KMT5B: variants seen among roughly 807,000 people sequenced by gnomAD.
KMT5B encodes the protein lysine methyltransferase 5B, also known as histone-lysine N-methyltransferase KMT5B.
A neutral mutation model predicts 83.2 loss-of-function variants in KMT5B; 10 were observed. The observed-to-expected ratio is 0.12, with a 90% CI of 0.07 to 0.20. KMT5B has a LOEUF of 0.20. Ranked by LOEUF, KMT5B falls within the 10% of genes least tolerant of loss-of-function variation. The pLI, the probability that KMT5B is intolerant of heterozygous loss-of-function variation, is 1.00. For synonymous variants in KMT5B, 349 were observed against 388.8 expected (o/e 0.90, Z 1.20); for missense variants, 753 against 1,067.2 (o/e 0.71, Z 4.10).
intron 9 of KMT5B, among the ~76,000 whole-genome samples, chr11:68,167,923 G>C (rs184025384): frequency 6.6e-6 from 1 of 152,264 alleles, no homozygotes; most frequent in East Asian, 1.9e-4. Context: ...TGTAATCCCA[G>C]CACGTTGGGA....
In KMT5B at chr11:68,167,057, T is replaced by C. The variant is rs752364030; in HGVS notation, c.1099A>G (p.Ser367Gly). The change falls in exon 10 of 11, where the codon AGC becomes GGC. Residue 367 changes from serine to glycine, a missense_variant. Ser to Gly is a moderately conservative substitution (Grantham distance 56, BLOSUM62 0). Around this residue, in one of 9 missense-constraint regions of KMT5B, gnomAD observed 3 missense variants for 28.9 expected, o/e 0.10. Transcript: ENST00000304363. ...GATTGACTGTCTGAATTTTTGCTGC[T>C]GTCACCTAACTTTTTAAGCCTATTT... ...RLNRLKKLGD[S>G]SKNSDSQSVS... 4 of 1,614,210 alleles carry C rather than the reference T, an allele frequency of 2.5e-6. No individual in the cohort carries two copies. The highest frequency in any genetic ancestry group is 1.1e-5 in the South Asian group (1 of 91,084).
At chr11:68,186,478 A>G (rs995293097) in intron 2 of KMT5B, among the ~76,000 whole-genome samples, 1 of 152,252 alleles carries the variant, frequency 6.6e-6, no homozygotes, top group Non-Finnish European at 1.5e-5. Context: ...CTTGCCCACA[A>G]TTCCAGAGCT....
intron 6 of KMT5B, among the ~76,000 whole-genome samples, chr11:68,172,754 C>A (rs573010480): frequency 6.6e-5 from 10 of 152,084 alleles, no homozygotes; most frequent in Admixed American, 6.5e-4. Context: ...CCATCTGCAA[C>A]ACAGGGAGCC....
intron 1 of KMT5B, among the ~76,000 whole-genome samples, chr11:68,195,503 C>T (rs1478602750): frequency 6.6e-6 from 1 of 152,224 alleles, no homozygotes; most frequent in African/African-American, 2.4e-5. Flanking sequence ...ACACTCTTAT[C>T]TCCAGGGCCT....
chr11:68,208,956 C>G (rs1860519905), intron 1 of KMT5B, among the ~76,000 whole-genome samples: 1 of 152,136 alleles, frequency 6.6e-6, no homozygotes. Flanking sequence ...CCCTGAATGA[C>G]GTCTGGTTTT....
At position 68,184,163 on chromosome 11, in the gene KMT5B, G is replaced by C. The variant is rs937668680; in HGVS notation, c.308+1618C>G. On this transcript the variant is annotated intron_variant, in intron 3 of 10. Coordinates refer to ENST00000304363, the MANE Select transcript of KMT5B (RefSeq NM_017635.5). ...AGGCAGGTGGATCACCTGAGGTCAGGAGTTTCAAGACCAGCCTGGTCAACA... is the reference window on the plus strand; with the variant it reads ...AGGCAGGTGGATCACCTGAGGTCAGCAGTTTCAAGACCAGCCTGGTCAACA... Among the ~76,000 whole-genome samples the C allele has an allele frequency of 3.3e-5, 5 of 151,966 alleles. No individual in the cohort carries two copies. The East Asian group carries it at 9.7e-4, about 29-fold the overall frequency.
intron 1 of KMT5B, among the ~76,000 whole-genome samples, chr11:68,211,942 A>C (rs961365576): frequency 6.6e-6 from 1 of 152,196 alleles, no homozygotes; most frequent in Non-Finnish European, 1.5e-5. Flanking sequence ...ACAGGGCCAC[A>C]CCTCTGGTTC....
At chr11:68,159,953 C>T (rs1460641441) in intron 10 of KMT5B, among the ~76,000 whole-genome samples, 1 of 152,214 alleles carries the variant, frequency 6.6e-6, no homozygotes, top group African/African-American at 2.4e-5. Context: ...GGAGATCCAA[C>T]TTCTTTCCTC....
intron 1 of KMT5B, among the ~76,000 whole-genome samples, chr11:68,190,990 AT>A (rs1857978100): frequency 6.6e-6 from 1 of 152,020 alleles, no homozygotes; most frequent in South Asian, 2.1e-4. Context: ...ATAATAATAT[AT>A]TTTTGTGTCT....
intron 4 of KMT5B, among the ~76,000 whole-genome samples, chr11:68,177,822 C>A (rs1856526909): frequency 6.6e-6 from 1 of 152,170 alleles, no homozygotes; most frequent in African/African-American, 2.4e-5. Flanking sequence ...AAATAAAGAG[C>A]TGTAGAATTG....
intron 1 of KMT5B, among the ~76,000 whole-genome samples, chr11:68,208,231 G>A (rs890622283): frequency 2.6e-5 from 4 of 151,046 alleles, no homozygotes; most frequent in Non-Finnish European, 5.9e-5. Context: ...GGAGGGTCAC[G>A]AGGTCAGGAG....
At chr11:68,198,808 C>T (rs1859055028) in intron 1 of KMT5B, among the ~76,000 whole-genome samples, 1 of 152,214 alleles carries the variant, frequency 6.6e-6, no homozygotes, top group Non-Finnish European at 1.5e-5. Flanking sequence ...TGGCTCACTG[C>T]AACCTCCGCT....
intron 4 of KMT5B, 94 bp downstream of exon 4, chr11:68,180,038 T>C (rs1856762759): frequency 1.5e-6 from 2 of 1,377,486 alleles, no homozygotes; most frequent in Non-Finnish European, 2.0e-6. Flanking sequence ...CTCTAATTTA[T>C]GCTGACACTT....
chr11:68,164,212 G>A (rs1855108494), intron 10 of KMT5B, among the ~76,000 whole-genome samples: 1 of 152,112 alleles, frequency 6.6e-6, no homozygotes, highest in African/African-American at 2.4e-5. Context: ...GGTACTTTCC[G>A]AAAAAGCACC....
chr11:68,193,239 G>A (rs1208198235), intron 1 of KMT5B, among the ~76,000 whole-genome samples: 1 of 152,202 alleles, frequency 6.6e-6, no homozygotes, highest in East Asian at 1.9e-4. Flanking sequence ...GCAGTCTCAC[G>A]AGTAGAACCC....
intron 1 of KMT5B, among the ~76,000 whole-genome samples, 154 bp from the exon 2 acceptor site, chr11:68,190,306 A>G (rs1192220872): frequency 6.6e-6 from 1 of 152,250 alleles, no homozygotes; most frequent in African/African-American, 2.4e-5. Flanking sequence ...CACATAAACA[A>G]CGGTGGTTCC....
At chr11:68,172,515 G>A (rs981541125) in intron 6 of KMT5B, among the ~76,000 whole-genome samples, 1 of 151,920 alleles carries the variant, frequency 6.6e-6, no homozygotes, top group Non-Finnish European at 1.5e-5. Flanking sequence ...GATTACAGAT[G>A]AGCCACCATG....
intron 2 of KMT5B, 48 bp from the exon 3 acceptor site, chr11:68,185,976 A>C (rs757036364): frequency 6.6e-7 from 1 of 1,526,222 alleles, no homozygotes; most frequent in Non-Finnish European, 8.9e-7. Flanking sequence ...AAAACTACTT[A>C]AATCTGCCTT....
intron 3 of KMT5B, among the ~76,000 whole-genome samples, chr11:68,181,848 A>G (rs529666576): frequency 6.6e-6 from 1 of 152,302 alleles, no homozygotes; most frequent in South Asian, 2.1e-4. Context: ...CAAGAGTGTA[A>G]AAGCACACGT....
Sources: gnomAD v4.1 joint callset for allele counts (sites outside exome capture counted in the v4.1 genomes callset) on GRCh38, gnomAD v4.1.1 for gene constraint, gnomAD v4.1.1 regional missense constraint, MANE v1.5 for transcripts, NCBI Gene and HGNC (gene_info 2026-07-23, HGNC 2026-07-21) for gene names.